CFAP77: variants seen among roughly 807,000 people sequenced by gnomAD.
The protein encoded by CFAP77 is cilia and flagella associated protein 77.
In CFAP77, 25 loss-of-function variants were observed where a neutral mutation model predicts 31.1. That is an observed-to-expected ratio of 0.80 (90% confidence interval 0.59 to 1.12). The LOEUF (loss-of-function observed/expected upper bound fraction) is 1.12, where lower values mean the gene tolerates loss of function less well. Among genes scored for constraint, CFAP77 ranks in the 50% most tolerant of loss-of-function variants. The pLI is 0.00. For synonymous variants in CFAP77, 151 were observed against 159.9 expected, an observed-to-expected ratio of 0.94 and a Z score of 0.42; for missense variants, 377 against 397.3, an observed-to-expected ratio of 0.95 and a Z score of 0.44.
At chr9:132,431,487 G>A (rs912830328) in intron 1 of CFAP77, among the ~76,000 whole-genome samples, 12 of 152,250 alleles carry the variant, frequency 7.9e-5, no homozygotes, top group South Asian at 4.1e-4. Flanking sequence ...CTATGACTGC[G>A]CTTGAGATGT....
chr9:132,486,090 A>T (rs1029939214), intron 1 of CFAP77, among the ~76,000 whole-genome samples: 7,903 of 15,028 alleles, frequency 0.53, 1,779 homozygotes, highest in East Asian at 0.73. Flanking sequence ...ATATATATAT[A>T]TTTTTTTTTT....
chr9:132,516,846 C>T (rs558003663), intron 3 of CFAP77, among the ~76,000 whole-genome samples: 24 of 152,184 alleles, frequency 1.6e-4, no homozygotes, highest in Admixed American at 1.0e-3. Flanking sequence ...TTGGTACCCA[C>T]GGGCAATGTT....
intron 1 of CFAP77, among the ~76,000 whole-genome samples, chr9:132,412,604 T>C (rs1323901767): frequency 6.6e-6 from 1 of 152,016 alleles, no homozygotes; most frequent in African/African-American, 2.4e-5. Flanking sequence ...TTTTTTTGTT[T>C]GTTTGTTTTG....
At chr9:132,563,966 T>C (rs1829855837) in intron 5 of CFAP77, among the ~76,000 whole-genome samples, 2 of 152,172 alleles carry the variant, frequency 1.3e-5, no homozygotes, top group Admixed American at 6.5e-5. Context: ...AGCTACTCTT[T>C]CTCTTTGAGT....
intron 3 of CFAP77, among the ~76,000 whole-genome samples, chr9:132,507,390 C>A (rs1053318306): frequency 6.6e-6 from 1 of 152,186 alleles, no homozygotes; most frequent in Non-Finnish European, 1.5e-5. Context: ...CACCCCCAAT[C>A]CTGGTGCAGA....
chr9:132,451,317 A>G (rs925708638), intron 1 of CFAP77, among the ~76,000 whole-genome samples: 11 of 148,978 alleles, frequency 7.4e-5, no homozygotes, highest in African/African-American at 2.3e-4. Flanking sequence ...CAGCCTGGGC[A>G]ACAAGAGCGA....
At chr9:132,568,437 T>A (rs1406510308) in intron 5 of CFAP77, among the ~76,000 whole-genome samples, 1 of 151,636 alleles carries the variant, frequency 6.6e-6, no homozygotes, top group Non-Finnish European at 1.5e-5. Flanking sequence ...GCGCCTGTAA[T>A]TCCAGCTACT....
At chr9:132,469,538 G>A (rs1303182658) in intron 1 of CFAP77, among the ~76,000 whole-genome samples, 1 of 152,132 alleles carries the variant, frequency 6.6e-6, no homozygotes, top group Non-Finnish European at 1.5e-5. Context: ...GCAGAGGGAG[G>A]AGGCGAGGGG....
intron 3 of CFAP77, among the ~76,000 whole-genome samples, chr9:132,502,169 C>T (rs111905231): frequency 3.5e-4 from 53 of 151,948 alleles, no homozygotes; most frequent in Middle Eastern, 3.4e-3. Context: ...TTTGAGGCCA[C>T]TGACATTCCA....
chr9:132,456,034 A>C (rs1233432734), intron 1 of CFAP77, among the ~76,000 whole-genome samples: 1 of 152,182 alleles, frequency 6.6e-6, no homozygotes, highest in African/African-American at 2.4e-5. Context: ...TCAATGAGGA[A>C]ATGTGAGTGC....
At chr9:132,442,385 T>C (rs1024567361) in intron 1 of CFAP77, among the ~76,000 whole-genome samples, 2 of 152,134 alleles carry the variant, frequency 1.3e-5, no homozygotes, top group East Asian at 1.9e-4. Context: ...AACCTGTCTC[T>C]ACCCAAAATA....
chr9:132,443,256 T>C (rs373986250), intron 1 of CFAP77, among the ~76,000 whole-genome samples: 1 of 151,776 alleles, frequency 6.6e-6, no homozygotes, highest in East Asian at 1.9e-4. Flanking sequence ...GTTTTATTTT[T>C]GTTTTTTTTT....
At chr9:132,486,658 G>A (rs905219208) in intron 1 of CFAP77, among the ~76,000 whole-genome samples, 2 of 152,226 alleles carry the variant, frequency 1.3e-5, no homozygotes, top group Non-Finnish European at 2.9e-5. Context: ...CCCTAAACAT[G>A]CTGTTGAGTT....
intron 5 of CFAP77, 111 bp downstream of exon 5, chr9:132,543,158 G>A: frequency 1.2e-6 from 1 of 808,178 alleles, no homozygotes; most frequent in East Asian, 2.6e-5. Context: ...CCATCGATTA[G>A]TACAACAGCC....
Position 132,466,861 on chromosome 9 carries a change from A to G in CFAP77, c.196-31834A>G, listed in dbSNP as rs569542634. 2.0e-5 allele frequency among the ~76,000 whole-genome samples: 3 copies of G among 152,320 alleles called. No homozygotes were observed. The South Asian group carries it at 6.2e-4, about 32-fold the overall frequency. On this transcript the variant is annotated intron_variant, in intron 1 of 5. Coordinates refer to ENST00000393216, the MANE Select transcript of CFAP77 (RefSeq NM_001282957.2). ...ACAGCCAGGTGTCCTGGGGCTGGGA[A>G]CAGCCTTTGTTTTCATTTCAAATTG... is the stretch of plus-strand genomic sequence containing the variant.
intron 1 of CFAP77, among the ~76,000 whole-genome samples, chr9:132,411,545 T>G (rs1373005546): frequency 2.0e-5 from 3 of 152,140 alleles, no homozygotes; most frequent in Non-Finnish European, 4.4e-5. Context: ...GAGGCTGGCT[T>G]CCCACACTCG....
chr9:132,500,723 G>A (rs1851827402), intron 3 of CFAP77, among the ~76,000 whole-genome samples: 1 of 152,138 alleles, frequency 6.6e-6, no homozygotes, highest in Admixed American at 6.5e-5. Context: ...ACTGCCTGGT[G>A]GCCCCACTGT....
chr9:132,471,256 T>C (rs1162254626), intron 1 of CFAP77, among the ~76,000 whole-genome samples: 1 of 152,176 alleles, frequency 6.6e-6, no homozygotes, highest in Non-Finnish European at 1.5e-5. Context: ...GAAGTGATGC[T>C]GAATGAGAGG....
In CFAP77 at chr9:132,410,262, G is replaced by T; in HGVS notation, c.-10G>T. On this transcript the variant is annotated 5_prime_UTR_variant, in exon 1 of 6. Coordinates refer to ENST00000393216, the MANE Select transcript of CFAP77 (RefSeq NM_001282957.2). ...CCAGCCCGCGGGCCGGCTCCCCGGC[G>T]ACCTCAAGGATGCCAGAGGCCAGGA... is the stretch of plus-strand genomic sequence containing the variant. 6.4e-7 allele frequency: 1 copy of T among 1,555,846 alleles called. No homozygotes were observed. The highest frequency in any genetic ancestry group is 1.2e-5 in the South Asian group (1 of 85,830).
Sources: gnomAD v4.1 joint callset for allele counts (sites outside exome capture counted in the v4.1 genomes callset) on GRCh38, gnomAD v4.1.1 for gene constraint, MANE v1.5 for transcripts, NCBI Gene and HGNC (gene_info 2026-07-23, HGNC 2026-07-21) for gene names.